The following SMG9 variants were observed in gnomAD, a reference collection of about 807,000 sequenced individuals.
SMG9 encodes SMG9 nonsense mediated mRNA decay factor, also known as nonsense-mediated mRNA decay factor SMG9.
SMG9 carries 55 observed loss-of-function variants against 64.0 expected under a neutral mutation model. The ratio of observed to expected loss-of-function variants is 0.86; its 90% CI spans 0.69 to 1.08. The LOEUF (loss-of-function observed/expected upper bound fraction) is 1.08, where lower values mean the gene tolerates loss of function less well. SMG9 is among the 50% of genes least tolerant of loss of function. SMG9 has a pLI of 0.00. For missense variants in SMG9, 554 were observed against 681.3 expected, an observed-to-expected ratio of 0.81 and a Z score of 2.08; for synonymous variants, 244 against 254.8, an observed-to-expected ratio of 0.96 and a Z score of 0.41.
intron 9 of SMG9, among the ~76,000 whole-genome samples, chr19:43,735,388 C>A (rs976385705): frequency 3.9e-5 from 6 of 152,068 alleles, no homozygotes; most frequent in Admixed American, 3.9e-4. Flanking sequence ...GGAGCTGAGG[C>A]GGGCAGATCA....
chr19:43,728,879 G>C lies in SMG9; in HGVS notation c.*2717C>G, dbSNP rs892993413. ...TATTCCTGTGTCTGAATTGAAAAGC[G>C]TGAGTTCCACCTGCTGGGAATGATG... On this transcript the variant is annotated 3_prime_UTR_variant, in exon 14 of 14. Coordinates refer to ENST00000270066, the MANE Select transcript of SMG9 (RefSeq NM_019108.4). 1.8e-6 allele frequency: 1 copy of C among 551,450 alleles called. No homozygotes were observed. The highest frequency in any genetic ancestry group is 2.3e-6 in the Non-Finnish European group (1 of 433,424). The allele number at this position is 551,450 out of a possible 1,614,324, so 34.2% of individuals were successfully genotyped here.
In SMG9 at chr19:43,729,396, A is replaced by G. The variant is rs1248581386; in HGVS notation, c.*2200T>C. On this transcript the variant is annotated 3_prime_UTR_variant, in exon 14 of 14. Coordinates refer to ENST00000270066, the MANE Select transcript of SMG9 (RefSeq NM_019108.4). ...GACCTTCCTTGGCAACACTGACCAC[A>G]AGATCACAGGTGAATCCAATCAACA... 6.6e-6 allele frequency: 1 copy of G among 152,256 alleles called. No individual in the cohort carries two copies. Among genetic ancestry groups the G allele is most frequent in the Non-Finnish European group, 1.5e-5 (1 of 68,094 alleles). The allele number at this position is 152,256 out of a possible 1,614,324, so 9.4% of individuals were successfully genotyped here.
At position 43,733,223 on chromosome 19, in the gene SMG9, A is replaced by T; in HGVS notation, c.1339+101T>A. ...CAGGTAGGCTCCACACTGCTCCCAA[A>T]CCAGGGCAACCCATGTCGCCTCCTA... On this transcript the variant is annotated intron_variant, in intron 12 of 13. Transcript: ENST00000270066. The T allele has an allele frequency of 2.6e-6, 4 of 1,515,010 alleles. No individual in the cohort carries two copies. The South Asian group carries it at 5.2e-5, about 20-fold the overall frequency. The allele number at this position is 1,515,010 out of a possible 1,614,324, so 93.8% of individuals were successfully genotyped here.
At chr19:43,747,408 G>A (rs1969048771) in intron 5 of SMG9, 34 bp downstream of exon 5, 1 of 1,598,408 alleles carries the variant, frequency 6.3e-7, no homozygotes, top group Admixed American at 1.7e-5. Context: ...TGCAGGATGT[G>A]CGGAAGCTCA....
At chr19:43,738,010 G>T in intron 8 of SMG9, 112 bp downstream of exon 8, 2 of 1,025,568 alleles carry the variant, frequency 2.0e-6, no homozygotes, top group Non-Finnish European at 3.0e-6. Flanking sequence ...GGCAGCCAGG[G>T]CTCTTCTGAA....
In SMG9 at chr19:43,733,400, G is replaced by A; in HGVS notation, c.1263C>T (p.Phe421=). 1 of 1,614,124 alleles carries A rather than the reference G, an allele frequency of 6.2e-7. No homozygotes were observed. The highest frequency in any genetic ancestry group is 8.5e-7 in the Non-Finnish European group (1 of 1,180,026). Residue 421 remains phenylalanine, a synonymous_variant, in exon 12 of 14, where the codon TTC becomes TTT. Coordinates refer to ENST00000270066, the MANE Select transcript of SMG9 (RefSeq NM_019108.4). ...CNVFPGLPPD[F]LDSEVNLFLV... is the part of the protein sequence containing the mutation. The stretch of plus-strand genomic sequence containing the variant: ...GGAATAAGTTGACCTCAGAGTCCAG[G>A]AAGTCAGGTGGAAGCCCCGGGAAGA...
chr19:43,753,524 G>A (rs1241665566), intron 1 of SMG9, among the ~76,000 whole-genome samples: 3 of 144,728 alleles, frequency 2.1e-5, no homozygotes, highest in African/African-American at 5.2e-5. Context: ...GCAGTGGCAC[G>A]ATCTCAGCTG....
chr19:43,735,632 A>AAC (rs1968639509), intron 9 of SMG9, among the ~76,000 whole-genome samples: 1 of 149,940 alleles, frequency 6.7e-6, no homozygotes, highest in Non-Finnish European at 1.5e-5. Context: ...AAAAAAAAAA[A>AAC]AAAAAAATCT....
intron 2 of SMG9, 52 bp downstream of exon 2, chr19:43,750,540 T>G (rs193042614): frequency 6.4e-7 from 1 of 1,556,962 alleles, no homozygotes. Context: ...ACATGGCAGG[T>G]GCGTGGAACC....
chr19:43,738,896 C>G (rs1027796758), intron 7 of SMG9, among the ~76,000 whole-genome samples: 2 of 152,220 alleles, frequency 1.3e-5, no homozygotes, highest in Admixed American at 6.5e-5. Flanking sequence ...CTCCATGGCC[C>G]CTGCACAGGG....
rs1035824372 is a variant in SMG9, at chr19:43,729,221, G to A, written c.*2375C>T. ...GTCACCAGATCACCACGGTGGTGGT[G>A]GTGGAAACGCTAGGCCGGATTTCCA... On this transcript the variant is annotated 3_prime_UTR_variant, in exon 14 of 14. Transcript: ENST00000270066. The A allele has an allele frequency of 5.5e-5, 9 of 163,784 alleles. No individual in the cohort carries two copies. Among genetic ancestry groups the A allele is most frequent in the Non-Finnish European group, 1.1e-4 (9 of 78,716 alleles). The allele number at this position is 163,784 out of a possible 1,614,324, so 10.1% of individuals were successfully genotyped here.
At chr19:43,746,369 G>T (rs916749689) in intron 5 of SMG9, among the ~76,000 whole-genome samples, 2 of 152,186 alleles carry the variant, frequency 1.3e-5, no homozygotes, top group Admixed American at 6.5e-5. Flanking sequence ...CCACATCTGG[G>T]GATAGCGGCT....
chr19:43,740,215 A>C lies in SMG9; in HGVS notation c.705T>G (p.Thr235=). Reference sequence around the variant, plus strand: ...CAGCGCTCTGGGCCCGGAAAACATAAGTCCTGTGGAGAGGAGCAGGCAGGG... The same window carrying C: ...CAGCGCTCTGGGCCCGGAAAACATACGTCCTGTGGAGAGGAGCAGGCAGGG... ...SANTPEEDQR[T]YVFRAQSAEM... is the part of the protein sequence containing the mutation. Residue 235 remains threonine (T), a synonymous_variant, in exon 7 of 14, where the codon ACT becomes ACG. Transcript: ENST00000270066. 1.2e-6 allele frequency: 2 copies of C among 1,611,446 alleles called. No individual in the cohort carries two copies. The highest frequency in any genetic ancestry group is 1.7e-6 in the Non-Finnish European group (2 of 1,177,642).
At chr19:43,732,482 G>A (rs1278940505) in intron 13 of SMG9, 4 of 207,034 alleles carry the variant, frequency 1.9e-5, no homozygotes, top group East Asian at 3.2e-4. Flanking sequence ...CTGTGATCAG[G>A]TCCCTGGAAT....
Position 43,748,016 on chromosome 19 carries a change from T to C in SMG9, c.187A>G (p.Lys63Glu), listed in dbSNP as rs1568381324. ...GGTTTTGAGAGGATGATGGGGGTTT[T>C]CTGCATGACGGAAGTGCTTGTCTCT... ...SEETSTSVMQ[K>E]TPIILSKPPA... Residue 63 changes from lysine to glutamate, a missense_variant, in exon 3 of 14, where the codon AAA becomes GAA. Physicochemically the swap from Lys to Glu is moderately conservative, Grantham distance 56. Transcript: ENST00000270066. The C allele has an allele frequency of 6.2e-7, 1 of 1,613,336 alleles. No homozygotes were observed. The highest frequency in any genetic ancestry group is 8.5e-7 in the Non-Finnish European group (1 of 1,179,736).
intron 13 of SMG9, among the ~76,000 whole-genome samples, chr19:43,731,969 G>T (rs1968499319): frequency 6.6e-6 from 1 of 152,212 alleles, no homozygotes; most frequent in Admixed American, 6.5e-5. Flanking sequence ...TGGCTTTGTG[G>T]GTGAGGGTTC....
intron 8 of SMG9, 114 bp downstream of exon 8, chr19:43,738,008 G>T: frequency 9.9e-7 from 1 of 1,012,224 alleles, no homozygotes. Context: ...GGGGCAGCCA[G>T]GGCTCTTCTG....
At chr19:43,733,492 T>C in intron 11 of SMG9, 40 bp from the exon 12 acceptor site, 1 of 1,613,256 alleles carries the variant, frequency 6.2e-7, no homozygotes, top group South Asian at 1.1e-5. Flanking sequence ...TACCATGTTG[T>C]GGGTTTGGGG....
intron 7 of SMG9, 74 bp downstream of exon 7, chr19:43,740,033 G>T: frequency 9.3e-7 from 1 of 1,069,940 alleles, no homozygotes; most frequent in Non-Finnish European, 1.5e-6. Context: ...GCAGGGTTCT[G>T]GCTTAATCAC....
Sources: allele counts gnomAD v4.1 joint callset (sites outside exome capture counted in the v4.1 genomes callset), GRCh38; gene constraint gnomAD v4.1.1; transcripts MANE v1.5; gene names NCBI Gene and HGNC (gene_info 2026-07-23, HGNC 2026-07-21).